The following AHI1 variants were observed in gnomAD, a reference collection of about 807,000 sequenced individuals.
The protein encoded by AHI1 is jouberin.
A neutral mutation model predicts 149.3 loss-of-function variants in AHI1; 123 were observed. The ratio of observed to expected loss-of-function variants is 0.82; its 90% confidence interval spans 0.71 to 0.96. The LOEUF is 0.96. AHI1 is among the 40% of genes least tolerant of loss of function. The pLI is 0.00. For missense variants in AHI1, 1,439 were observed against 1,422.7 expected (o/e 1.01, Z -0.18); for synonymous variants, 475 against 459.8 (o/e 1.03, Z -0.42).
At chr6:135,443,741 TG>T (rs1417077519) in intron 13 of AHI1, among the ~76,000 whole-genome samples, 2 of 152,156 alleles carry the variant, frequency 1.3e-5, no homozygotes, top group African/African-American at 4.8e-5. Flanking sequence ...CAAAAGAATT[TG>T]TTAAGTGTCA....
intron 15 of AHI1, among the ~76,000 whole-genome samples, chr6:135,437,007 C>T (rs1434236044): frequency 6.6e-6 from 1 of 152,162 alleles, no homozygotes; most frequent in African/African-American, 2.4e-5. Flanking sequence ...ATGAAAAGTA[C>T]AGGTCAAATA....
intron 20 of AHI1, among the ~76,000 whole-genome samples, chr6:135,418,716 C>T (rs560990500): frequency 1.3e-5 from 2 of 152,082 alleles, no homozygotes; most frequent in South Asian, 4.2e-4. Flanking sequence ...ATAAGGTTCC[C>T]CTTTGGTTCA....
chr6:135,364,863 G>T (rs1367965376), intron 23 of AHI1, among the ~76,000 whole-genome samples: 1 of 152,190 alleles, frequency 6.6e-6, no homozygotes, highest in Non-Finnish European at 1.5e-5. Context: ...CTTCGGCTTG[G>T]CATCAGAGGG....
chr6:135,343,212 T>A (rs1233696431), intron 24 of AHI1, among the ~76,000 whole-genome samples: 1 of 151,852 alleles, frequency 6.6e-6, no homozygotes, highest in Non-Finnish European at 1.5e-5. Flanking sequence ...CCATTTGCAA[T>A]GGCATACAAA....
rs59084001 is a variant in AHI1, at chr6:135,344,926, TCA to T, written c.3165+13204_3165+13205del. Among the ~76,000 whole-genome samples, 729 of 145,674 alleles carry T rather than the reference TCA, an allele frequency of 5.0e-3. 4 individuals are homozygous for T. The highest frequency in any genetic ancestry group is 0.01 in the Middle Eastern group (3 of 290). ...TCAGTTTATTGAAATAAGCTCTGAT[TCA>T]CACACACACACACACACACACACAC... On this transcript the variant is annotated intron_variant, in intron 24 of 28. Coordinates refer to ENST00000265602, the MANE Select transcript of AHI1 (RefSeq NM_001134831.2).
intron 5 of AHI1, among the ~76,000 whole-genome samples, chr6:135,480,839 A>G (rs934515042): frequency 1.3e-5 from 2 of 152,328 alleles, no homozygotes; most frequent in African/African-American, 2.4e-5. Flanking sequence ...CTGTCAGATC[A>G]GCAGCAGCAT....
rs751940045 is a variant in AHI1 at position 135,466,152 on chromosome 6, A to C, written c.411T>G (p.Thr137=). 3.7e-6 allele frequency: 6 copies of C among 1,613,856 alleles called. No individual in the cohort carries two copies. In the South Asian group the frequency reaches 5.5e-5, roughly 15 times the overall value. Residue 137 remains threonine, a synonymous_variant, in exon 7 of 29, where the codon ACT becomes ACG. Coordinates refer to ENST00000265602, the MANE Select transcript of AHI1 (RefSeq NM_001134831.2). ...GAGTTTCCGGTTTCAGGTCTTGTGT[A>C]GTCAACTGGGGCACCGTCTTTATCA... The part of the protein sequence containing the change: ...KKVIKTVPQL[T]TQDLKPETPE...
intron 21 of AHI1, among the ~76,000 whole-genome samples, chr6:135,405,574 G>C (rs1409803126): frequency 6.6e-6 from 1 of 152,024 alleles, no homozygotes; most frequent in Non-Finnish European, 1.5e-5. Context: ...AAATACTCAA[G>C]TCTGGCCGGG....
intron 26 of AHI1, among the ~76,000 whole-genome samples, chr6:135,317,507 T>C (rs1786143717): frequency 6.6e-6 from 1 of 150,604 alleles, no homozygotes; most frequent in Non-Finnish European, 1.5e-5. Flanking sequence ...GAACTCTTCA[T>C]GGACTCCCCC....
intron 24 of AHI1, among the ~76,000 whole-genome samples, chr6:135,326,635 A>C (rs1164052329): frequency 5.3e-5 from 8 of 151,382 alleles, no homozygotes; most frequent in Non-Finnish European, 1.2e-4. Flanking sequence ...ATCTCGGCTC[A>C]CTGCAACCTC....
chr6:135,322,358 TTTAAG>T (rs1407775611), intron 25 of AHI1, among the ~76,000 whole-genome samples: 1 of 152,184 alleles, frequency 6.6e-6, no homozygotes, highest in African/African-American at 2.4e-5. Flanking sequence ...TAATGACAGT[TTTAAG>T]TTATTATTAT....
At chr6:135,375,508 T>C (rs574887308) in intron 23 of AHI1, among the ~76,000 whole-genome samples, 1 of 152,176 alleles carries the variant, frequency 6.6e-6, no homozygotes, top group East Asian at 1.9e-4. Context: ...GTTGGGACAA[T>C]ATGTTGGGGA....
chr6:135,456,482 C>T (rs1414635336), intron 9 of AHI1, among the ~76,000 whole-genome samples: 1 of 150,298 alleles, frequency 6.7e-6, no homozygotes, highest in East Asian at 2.0e-4. Flanking sequence ...GAGGTTGAGG[C>T]TGTAGTAAGC....
chr6:135,396,199 C>G (rs926140591), intron 22 of AHI1, among the ~76,000 whole-genome samples: 3 of 151,624 alleles, frequency 2.0e-5, no homozygotes, highest in South Asian at 2.1e-4. Flanking sequence ...TTGGGGGGGT[C>G]AAATACCACA....
intron 21 of AHI1, among the ~76,000 whole-genome samples, chr6:135,409,543 T>C (rs929725257): frequency 5.3e-5 from 8 of 152,180 alleles, no homozygotes; most frequent in Non-Finnish European, 1.2e-4. Context: ...CCCAACACCA[T>C]ACAAGGGAAC....
intron 3 of AHI1, 106 bp from the exon 4 acceptor site, chr6:135,492,397 G>C: frequency 7.4e-7 from 1 of 1,344,114 alleles, no homozygotes; most frequent in Non-Finnish European, 9.6e-7. Flanking sequence ...ACTTCATTAA[G>C]TTTATACCAA....
intron 23 of AHI1, among the ~76,000 whole-genome samples, chr6:135,374,081 C>CATATATATAT (rs1180224509): frequency 8.0e-5 from 4 of 50,298 alleles, no homozygotes; most frequent in African/African-American, 3.0e-4. Context: ...TTTATATATA[C>CATATATATAT]ATATATATAT....
intron 26 of AHI1, among the ~76,000 whole-genome samples, chr6:135,303,763 A>G (rs920117556): frequency 2.6e-5 from 4 of 152,200 alleles, no homozygotes; most frequent in Non-Finnish European, 5.9e-5. Context: ...TCATGTATAA[A>G]TATGTGAAAG....
chr6:135,491,492 C>G (rs749404322), intron 4 of AHI1, among the ~76,000 whole-genome samples: 1 of 152,132 alleles, frequency 6.6e-6, no homozygotes. Flanking sequence ...AATAAAACAC[C>G]TCCTGACAAA....
Sources: allele counts gnomAD v4.1 joint callset (sites outside exome capture counted in the v4.1 genomes callset), GRCh38; gene constraint gnomAD v4.1.1; transcripts MANE v1.5; gene names NCBI Gene and HGNC (gene_info 2026-07-23, HGNC 2026-07-21).